TSPAN18: variants seen among roughly 807,000 people sequenced by gnomAD.
The protein encoded by TSPAN18 is tetraspanin-18.
In TSPAN18, 14 loss-of-function variants were observed where a neutral mutation model predicts 27.3. The observed-to-expected ratio is 0.51, with a 90% CI of 0.34 to 0.80. The LOEUF is 0.80. Among genes scored for constraint, TSPAN18 ranks in the 30% least tolerant of loss-of-function variants. The pLI, the probability that TSPAN18 is intolerant of heterozygous loss-of-function variation, is 0.01. For missense variants in TSPAN18, 268 were observed against 323.9 expected (o/e 0.83, Z 1.32); for synonymous variants, 143 against 136.5 (o/e 1.05, Z -0.33).
At chr11:44,819,173 G>T (rs1856875059) in intron 2 of TSPAN18, among the ~76,000 whole-genome samples, 1 of 152,160 alleles carries the variant, frequency 6.6e-6, no homozygotes, top group Admixed American at 6.5e-5. Flanking sequence ...GCTCTTCTCT[G>T]GAGTGGTTTG....
intron 1 of TSPAN18, among the ~76,000 whole-genome samples, chr11:44,735,671 C>T (rs1430289373): frequency 2.0e-5 from 3 of 151,226 alleles, no homozygotes; most frequent in Non-Finnish European, 4.4e-5. Context: ...CAGGCTGGAG[C>T]GCAGTGGCGA....
chr11:44,916,585 C>G (rs1859919408), intron 5 of TSPAN18, among the ~76,000 whole-genome samples: 1 of 152,138 alleles, frequency 6.6e-6, no homozygotes, highest in Non-Finnish European at 1.5e-5. Flanking sequence ...TCTCCACATC[C>G]CCATTTTTCT....
chr11:44,840,683 A>ACACAC (rs2135164474), intron 2 of TSPAN18, among the ~76,000 whole-genome samples: 1 of 152,260 alleles, frequency 6.6e-6, no homozygotes, highest in Non-Finnish European at 1.5e-5. Context: ...GGTGCGCAAA[A>ACACAC]CACACCACGT....
chr11:44,925,216 T>C (rs1426172563), intron 8 of TSPAN18, among the ~76,000 whole-genome samples: 1 of 152,226 alleles, frequency 6.6e-6, no homozygotes, highest in Non-Finnish European at 1.5e-5. Context: ...GAAATTACCT[T>C]GGGTATCGTC....
chr11:44,775,706 C>T (rs1366287393), intron 2 of TSPAN18, among the ~76,000 whole-genome samples: 1 of 152,190 alleles, frequency 6.6e-6, no homozygotes, highest in African/African-American at 2.4e-5. Flanking sequence ...GTTCTTGCCA[C>T]GCTGGAGGGA....
At chr11:44,850,287 G>A (rs1292998824) in intron 2 of TSPAN18, among the ~76,000 whole-genome samples, 4 of 152,158 alleles carry the variant, frequency 2.6e-5, no homozygotes, top group Admixed American at 2.0e-4. Flanking sequence ...TTCAGGTGGG[G>A]TTAGAACCCC....
chr11:44,917,871 T>C, intron 5 of TSPAN18, 101 bp from the exon 6 acceptor site: 1 of 1,059,934 alleles, frequency 9.4e-7, no homozygotes, highest in East Asian at 2.4e-5. Flanking sequence ...AAAATGAGTA[T>C]ACTGCGTCAC....
chr11:44,919,684 G>A, intron 7 of TSPAN18, 133 bp from the exon 8 acceptor site: 1 of 865,470 alleles, frequency 1.2e-6, no homozygotes, highest in Non-Finnish European at 1.9e-6. Flanking sequence ...TGGTCACACA[G>A]TGGTGACAGG....
At chr11:44,800,557 C>T (rs919231537) in intron 2 of TSPAN18, among the ~76,000 whole-genome samples, 4 of 152,226 alleles carry the variant, frequency 2.6e-5, no homozygotes, top group Non-Finnish European at 5.9e-5. Context: ...GTTCCCCTTC[C>T]ATAGGGCCTG....
intron 2 of TSPAN18, among the ~76,000 whole-genome samples, chr11:44,830,624 G>C (rs902828886): frequency 6.6e-6 from 1 of 152,220 alleles, no homozygotes; most frequent in Non-Finnish European, 1.5e-5. Flanking sequence ...TGAAGCAAAG[G>C]GGGCTTAGGG....
chr11:44,853,801 G>A (rs1237786162), intron 2 of TSPAN18, among the ~76,000 whole-genome samples: 1 of 152,206 alleles, frequency 6.6e-6, no homozygotes, highest in African/African-American at 2.4e-5. Context: ...CTTGGAAACT[G>A]ACCGGAGTGC....
At position 44,872,223 on chromosome 11, in the gene TSPAN18, G is replaced by C. The variant is rs548113632; in HGVS notation, c.-11+11754G>C. The stretch of plus-strand genomic sequence containing the variant: ...TAGGATTACAGGCATGAGCCACTGT[G>C]CCCAGCCTCTTCCTCTTCTTATAAA... On this transcript the variant is annotated intron_variant, in intron 3 of 9. Coordinates refer to ENST00000520358, the MANE Select transcript of TSPAN18 (RefSeq NM_130783.5). Among the ~76,000 whole-genome samples, 8 of 152,248 alleles carry C rather than the reference G, an allele frequency of 5.3e-5. No individual in the cohort carries two copies. In the East Asian group the frequency reaches 1.5e-3, roughly 29 times the overall value.
chr11:44,749,898 A>G (rs1480861642), intron 1 of TSPAN18, among the ~76,000 whole-genome samples: 2 of 152,150 alleles, frequency 1.3e-5, no homozygotes, highest in Admixed American at 6.5e-5. Context: ...GGCCTCCCAA[A>G]GTGCTGGGAT....
At chr11:44,751,762 A>T (rs968855668) in intron 1 of TSPAN18, among the ~76,000 whole-genome samples, 1 of 151,984 alleles carries the variant, frequency 6.6e-6, no homozygotes, top group Non-Finnish European at 1.5e-5. Flanking sequence ...CCCCATCTCT[A>T]CTAAAAATAC....
intron 2 of TSPAN18, among the ~76,000 whole-genome samples, chr11:44,803,565 T>C (rs180899904): frequency 6.6e-6 from 1 of 151,904 alleles, no homozygotes; most frequent in East Asian, 1.9e-4. Flanking sequence ...AGAGGAGGGA[T>C]TGAAGAAGTG....
upstream of TSPAN18, chr11:44,726,335 G>C (rs1455077717): frequency 6.6e-6 from 1 of 152,376 alleles, no homozygotes; most frequent in African/African-American, 2.4e-5. Context: ...CAGCAGTACA[G>C]AGAAGAAAAG....
chr11:44,765,029 C>T (rs539027139), intron 2 of TSPAN18, among the ~76,000 whole-genome samples: 45 of 152,316 alleles, frequency 3.0e-4, no homozygotes, highest in Middle Eastern at 3.4e-3. Flanking sequence ...TGGTCTGTTT[C>T]GGAGGCTCTG....
intron 3 of TSPAN18, among the ~76,000 whole-genome samples, chr11:44,862,246 C>A (rs1014244017): frequency 6.6e-6 from 1 of 152,238 alleles, no homozygotes; most frequent in Non-Finnish European, 1.5e-5. Flanking sequence ...CCCTCCGCCG[C>A]GGCAGCTCTG....
chr11:44,785,557 C>T (rs1012958965), intron 2 of TSPAN18, among the ~76,000 whole-genome samples: 1 of 151,088 alleles, frequency 6.6e-6, no homozygotes, highest in African/African-American at 2.4e-5. Flanking sequence ...TTTATCCCCT[C>T]AAATGCCTCA....
Sources: gnomAD v4.1 joint callset for allele counts (sites outside exome capture counted in the v4.1 genomes callset) on GRCh38, gnomAD v4.1.1 for gene constraint, MANE v1.5 for transcripts, NCBI Gene and HGNC (gene_info 2026-07-23, HGNC 2026-07-21) for gene names.